Variants in HYCC2 observed in about 807,000 individuals in gnomAD.
The protein encoded by HYCC2 is hyccin PI4KA lipid kinase complex subunit 2, also known as hyccin 2.
the HYCC2 span, among the ~76,000 whole-genome samples, chr2:201,041,064 G>A: frequency 6.6e-6 from 1 of 151,990 alleles, no homozygotes; most frequent in African/African-American, 2.4e-5. Context: ...TGGGAATAGC[G>A]GTACCTACTT....
chr2:201,017,103 A>C, the HYCC2 span: 1 of 1,614,078 alleles, frequency 6.2e-7, no homozygotes, highest in East Asian at 2.2e-5. Context: ...CTGCAGTGTG[A>C]ACCTCTTAAG....
At chr2:201,033,173 GT>G in the HYCC2 span, among the ~76,000 whole-genome samples, 1 of 144,268 alleles carries the variant, frequency 6.9e-6, no homozygotes, top group African/African-American at 2.6e-5. Context: ...GTGTGTGTGT[GT>G]GTGTGTGTGT....
the HYCC2 span, among the ~76,000 whole-genome samples, chr2:201,069,026 G>A: frequency 6.6e-6 from 1 of 152,030 alleles, no homozygotes; most frequent in Non-Finnish European, 1.5e-5. Context: ...GAAAAAAAAA[G>A]AACAATACAA....
chr2:201,026,348 C>A, the HYCC2 span, among the ~76,000 whole-genome samples: 2 of 152,106 alleles, frequency 1.3e-5, no homozygotes, highest in Admixed American at 1.3e-4. Flanking sequence ...GATTTAGACT[C>A]CCAAACAGTA....
the HYCC2 span, among the ~76,000 whole-genome samples, chr2:201,042,064 C>T: frequency 3.9e-5 from 6 of 152,278 alleles, no homozygotes; most frequent in East Asian, 9.7e-4. Flanking sequence ...CTGCCTGATT[C>T]TCCTGCCTCA....
chr2:201,014,323 G>GATAT, the HYCC2 span, among the ~76,000 whole-genome samples: 1 of 152,104 alleles, frequency 6.6e-6, no homozygotes, highest in African/African-American at 2.4e-5. Flanking sequence ...GAAACACAGT[G>GATAT]ATATATAACA....
the HYCC2 span, among the ~76,000 whole-genome samples, chr2:201,035,430 C>G: frequency 6.6e-6 from 1 of 152,174 alleles, no homozygotes; most frequent in Non-Finnish European, 1.5e-5. Context: ...ACGTCGTTCT[C>G]GTGCCGTGGT....
the HYCC2 span, chr2:201,063,066 A>C: frequency 5.0e-6 from 8 of 1,608,110 alleles, no homozygotes; most frequent in Admixed American, 1.0e-4. Context: ...AGCATCGTTA[A>C]AGTCTCTCTT....
the HYCC2 span, among the ~76,000 whole-genome samples, chr2:201,028,008 A>C: frequency 2.6e-5 from 4 of 152,206 alleles, no homozygotes; most frequent in Non-Finnish European, 4.4e-5. Flanking sequence ...CAATTAGGAA[A>C]AGAAGAAGTC....
At chr2:200,992,362 A>C in the HYCC2 span, 1 of 1,595,314 alleles carries the variant, frequency 6.3e-7, no homozygotes, top group Non-Finnish European at 8.6e-7. Flanking sequence ...CCCACTGTCC[A>C]TTATACCTAT....
chr2:201,020,602 T>C, the HYCC2 span, among the ~76,000 whole-genome samples: 1 of 152,026 alleles, frequency 6.6e-6, no homozygotes, highest in African/African-American at 2.4e-5. Flanking sequence ...GAAGGAATAA[T>C]TGCAGGACCA....
At chr2:200,992,907 G>A in the HYCC2 span, 13 of 1,606,866 alleles carry the variant, frequency 8.1e-6, no homozygotes, top group Admixed American at 2.0e-4. Context: ...AAACCCCTGT[G>A]AGAAGTTGCA....
the HYCC2 span, among the ~76,000 whole-genome samples, chr2:201,071,256 C>T: frequency 6.6e-6 from 1 of 152,306 alleles, no homozygotes; most frequent in Non-Finnish European, 1.5e-5. Flanking sequence ...AATGCCGTGT[C>T]CTTTTCTCGC....
the HYCC2 span, among the ~76,000 whole-genome samples, chr2:201,049,218 ATC>A: frequency 6.6e-6 from 1 of 152,170 alleles, no homozygotes; most frequent in East Asian, 1.9e-4. Flanking sequence ...GGAGACCCAC[ATC>A]TCTCTCAGCA....
At chr2:201,045,570 T>C in the HYCC2 span, 1 of 398,236 alleles carries the variant, frequency 2.5e-6, no homozygotes, top group Non-Finnish European at 4.4e-6. Context: ...AATTCATTTG[T>C]TAAGAGTTAA....
the HYCC2 span, among the ~76,000 whole-genome samples, chr2:201,054,934 G>A: frequency 6.6e-6 from 1 of 152,010 alleles, no homozygotes; most frequent in East Asian, 1.9e-4. Context: ...CAAAGTGCTG[G>A]GATTACAGGC....
the HYCC2 span, among the ~76,000 whole-genome samples, chr2:200,986,868 A>T: frequency 6.6e-6 from 1 of 152,230 alleles, no homozygotes; most frequent in African/African-American, 2.4e-5. Context: ...TGAACACCAT[A>T]GAATTACAGA....
the HYCC2 span, among the ~76,000 whole-genome samples, chr2:201,037,452 G>C: frequency 6.6e-6 from 1 of 152,108 alleles, no homozygotes; most frequent in African/African-American, 2.4e-5. Flanking sequence ...TAAGCCAAAA[G>C]AACAAAGCTG....
chr2:201,045,428 T>C, the HYCC2 span: 1 of 396,928 alleles, frequency 2.5e-6, no homozygotes, highest in East Asian at 3.6e-5. Context: ...TTACCAAAAA[T>C]GCTAACATGT....
Sources: allele counts gnomAD v4.1 joint callset (sites outside exome capture counted in the v4.1 genomes callset), GRCh38; gene constraint gnomAD v4.1.1; transcripts MANE v1.5; gene names NCBI Gene and HGNC (gene_info 2026-07-23, HGNC 2026-07-21).